GPC5: variants seen among roughly 807,000 people sequenced by gnomAD.
The protein encoded by GPC5 is glypican 5, also known as glypican-5.
A neutral mutation model predicts 53.9 loss-of-function variants in GPC5; 47 were observed. The ratio of observed to expected loss-of-function variants is 0.87; its 90% CI spans 0.69 to 1.11. The LOEUF is 1.11. Ranked by LOEUF, GPC5 falls within the 50% of genes most tolerant of loss-of-function variation. GPC5 has a pLI of 0.00. For synonymous variants in GPC5, 286 were observed against 263.3 expected (o/e 1.09, Z -0.84); for missense variants, 748 against 713.1 (o/e 1.05, Z -0.56).
At chr13:92,374,854 AAAAAAAAAAAAATAG>A (rs1433686094) in intron 7 of GPC5, among the ~76,000 whole-genome samples, 3 of 31,054 alleles carry the variant, frequency 9.7e-5, no homozygotes, top group African/African-American at 3.7e-4. Context: ...AAAGTATAAT[AAAAAAAAAAAAATAG>A]AAAAAAAAAA....
chr13:92,077,682 G>A (rs762507721), intron 6 of GPC5, among the ~76,000 whole-genome samples: 29 of 152,174 alleles, frequency 1.9e-4, no homozygotes, highest in Non-Finnish European at 4.0e-4. Context: ...GTTGTACGGT[G>A]CACAGAAGGG....
At chr13:92,821,247 T>A (rs566560190) in intron 7 of GPC5, among the ~76,000 whole-genome samples, 2 of 152,308 alleles carry the variant, frequency 1.3e-5, no homozygotes, top group East Asian at 3.9e-4. Context: ...ATGCTCTGCA[T>A]TCCATTTAGC....
chr13:92,601,271 T>C (rs1203423774), intron 7 of GPC5, among the ~76,000 whole-genome samples: 2 of 152,026 alleles, frequency 1.3e-5, no homozygotes, highest in African/African-American at 2.4e-5. Flanking sequence ...GAAACACATA[T>C]TGGGCCAGGA....
At chr13:92,210,349 C>T (rs1233990470) in intron 7 of GPC5, among the ~76,000 whole-genome samples, 7 of 152,052 alleles carry the variant, frequency 4.6e-5, no homozygotes. Flanking sequence ...GTTTAAGTGC[C>T]TTAATAGATA....
intron 7 of GPC5, among the ~76,000 whole-genome samples, chr13:92,385,785 A>ATATATACATGTG (rs1566568339): frequency 9.0e-6 from 1 of 111,476 alleles, no homozygotes; most frequent in African/African-American, 3.5e-5. Flanking sequence ...ACATATATGT[A>ATATATACATGTG]TATATATACA....
At chr13:92,474,609 G>A (rs9589556) in intron 7 of GPC5, among the ~76,000 whole-genome samples, 1 of 149,846 alleles carries the variant, frequency 6.7e-6, no homozygotes, top group Non-Finnish European at 1.5e-5. Context: ...TTCAGACAAA[G>A]AATTAAAATT....
At chr13:92,655,543 C>T (rs1318470820) in intron 7 of GPC5, among the ~76,000 whole-genome samples, 3 of 152,066 alleles carry the variant, frequency 2.0e-5, no homozygotes, top group African/African-American at 7.2e-5. Context: ...CCATGTTGGC[C>T]AGGATGGTTT....
chr13:92,178,885 C>T (rs1391669849), intron 7 of GPC5, among the ~76,000 whole-genome samples: 3 of 152,066 alleles, frequency 2.0e-5, no homozygotes, highest in Non-Finnish European at 4.4e-5. Flanking sequence ...GCAGGAGAAT[C>T]GCTTGAACCC....
intron 7 of GPC5, among the ~76,000 whole-genome samples, chr13:92,620,309 A>G (rs1447583091): frequency 6.6e-6 from 1 of 152,160 alleles, no homozygotes; most frequent in Non-Finnish European, 1.5e-5. Context: ...CAAAATATTT[A>G]GAGGATCAAT....
chr13:92,616,751 A>T (rs1884705315), intron 7 of GPC5, among the ~76,000 whole-genome samples: 1 of 152,202 alleles, frequency 6.6e-6, no homozygotes, highest in Non-Finnish European at 1.5e-5. Context: ...GCTGTAACAT[A>T]GGATTATCTC....
chr13:92,866,206 G>C, intron 7 of GPC5, 76 bp from the exon 8 acceptor site: 3 of 1,302,152 alleles, frequency 2.3e-6, no homozygotes, highest in Non-Finnish European at 3.1e-6. Context: ...TCCACACTTT[G>C]AGTTTAAGAG....
At chr13:91,406,397 G>A (rs567768560) in intron 1 of GPC5, among the ~76,000 whole-genome samples, 4 of 152,128 alleles carry the variant, frequency 2.6e-5, no homozygotes, top group Non-Finnish European at 5.9e-5. Context: ...GGACCCCCAT[G>A]TTTTTCTTAC....
chr13:92,409,962 A>G (rs1875968288), intron 7 of GPC5, among the ~76,000 whole-genome samples: 1 of 152,210 alleles, frequency 6.6e-6, no homozygotes, highest in Non-Finnish European at 1.5e-5. Context: ...TGTAAAAATA[A>G]GGTGTGTATG....
chr13:92,215,000 C>T (rs753810277), intron 7 of GPC5, among the ~76,000 whole-genome samples: 13 of 152,200 alleles, frequency 8.5e-5, no homozygotes, highest in Admixed American at 3.9e-4. Context: ...GCTCTGCCTA[C>T]ATCTTCATCT....
chr13:92,079,024 C>A (rs1440218746), intron 6 of GPC5, among the ~76,000 whole-genome samples: 2 of 152,004 alleles, frequency 1.3e-5, no homozygotes, highest in African/African-American at 4.8e-5. Flanking sequence ...ACTACCACTT[C>A]TTTCTCAGGA....
At position 92,552,207 on chromosome 13, in the gene GPC5, A is replaced by C. The variant is rs377274238; in HGVS notation, c.1562-314075A>C. ...AATGACTATCAAAAATTTCCATTTC[A>C]ACAAAGCCATATTGAAATGGGGGCA... is the stretch of plus-strand genomic sequence containing the variant. On this transcript the variant is annotated intron_variant, in intron 7 of 7. Coordinates refer to ENST00000377067, the MANE Select transcript of GPC5 (RefSeq NM_004466.6). Among the ~76,000 whole-genome samples the C allele has an allele frequency of 9.2e-5, 14 of 152,052 alleles. No individual in the cohort carries two copies. The East Asian group carries it at 2.5e-3, about 27-fold the overall frequency.
At chr13:92,371,203 C>T (rs1182484473) in intron 7 of GPC5, among the ~76,000 whole-genome samples, 1 of 152,136 alleles carries the variant, frequency 6.6e-6, no homozygotes, top group Non-Finnish European at 1.5e-5. Flanking sequence ...TTTTCATCAC[C>T]AAAAACTGTT....
chr13:92,506,235 A>T (rs775701253), intron 7 of GPC5, among the ~76,000 whole-genome samples: 2 of 152,170 alleles, frequency 1.3e-5, no homozygotes, highest in Non-Finnish European at 2.9e-5. Flanking sequence ...GTCTCTGAGG[A>T]CTTTAAGAGA....
At chr13:92,200,988 C>CAT (rs2042290604) in intron 7 of GPC5, among the ~76,000 whole-genome samples, 1 of 148,528 alleles carries the variant, frequency 6.7e-6, no homozygotes, top group Non-Finnish European at 1.5e-5. Flanking sequence ...CACACACACA[C>CAT]ACACACACAC....
Sources: allele counts gnomAD v4.1 joint callset (sites outside exome capture counted in the v4.1 genomes callset), GRCh38; gene constraint gnomAD v4.1.1; transcripts MANE v1.5; gene names NCBI Gene and HGNC (gene_info 2026-07-23, HGNC 2026-07-21).